The following MEIS2 variants were observed in gnomAD, a reference collection of about 807,000 sequenced individuals.
The protein encoded by MEIS2 is Meis homeobox 2, also known as homeobox protein Meis2.
In MEIS2, 9 loss-of-function variants were observed where a neutral mutation model predicts 58.6. That is an observed-to-expected ratio of 0.15 (90% CI 0.09 to 0.27). The LOEUF is 0.27. Ranked by LOEUF, MEIS2 falls within the 10% of genes least tolerant of loss-of-function variation. MEIS2 has a pLI of 1.00. For missense variants in MEIS2, 427 were observed against 635.0 expected (o/e 0.67, Z 3.52); for synonymous variants, 221 against 228.4 (o/e 0.97, Z 0.29).
intron 8 of MEIS2, among the ~76,000 whole-genome samples, chr15:37,026,628 C>A (rs551590239): frequency 6.6e-6 from 1 of 151,972 alleles, no homozygotes; most frequent in African/African-American, 2.4e-5. Flanking sequence ...GCAGATTTGG[C>A]GGGGGGAGAG....
At chr15:36,940,790 C>A (rs1393370103) in intron 9 of MEIS2, among the ~76,000 whole-genome samples, 1 of 152,126 alleles carries the variant, frequency 6.6e-6, no homozygotes, top group Non-Finnish European at 1.5e-5. Context: ...GGGGTGCTCA[C>A]CTCAGAAAAG....
At chr15:36,997,777 G>A (rs1367042781) in intron 8 of MEIS2, among the ~76,000 whole-genome samples, 6 of 152,262 alleles carry the variant, frequency 3.9e-5, no homozygotes, top group Admixed American at 1.3e-4. Context: ...CACCGTGCCC[G>A]GCCTTGATTT....
chr15:36,913,575 A>G (rs1320809917), intron 9 of MEIS2, among the ~76,000 whole-genome samples: 1 of 152,234 alleles, frequency 6.6e-6, no homozygotes, highest in Non-Finnish European at 1.5e-5. Context: ...GGGAAAGATT[A>G]TAGAACAGAG....
At position 37,037,036 on chromosome 15, in the gene MEIS2, A is replaced by G. The variant is rs1595981636; in HGVS notation, c.755-77T>C. The G allele has an allele frequency of 9.4e-6, 13 of 1,379,166 alleles. No individual in the cohort carries two copies. The East Asian group carries it at 3.1e-4, about 33-fold the overall frequency. The allele number at this position is 1,379,166 out of a possible 1,614,324, so 85.4% of individuals were successfully genotyped here. A position where few individuals can be genotyped will look rare whatever the true frequency, so the allele number is the denominator to read the frequency against. ...AACAAGTGCAGCTAATGATGAGCTCAGCTAAGCTTGTTGAAAGAAATCCAT... is the reference window on the plus strand; with the variant it reads ...AACAAGTGCAGCTAATGATGAGCTCGGCTAAGCTTGTTGAAAGAAATCCAT... On this transcript the variant is annotated intron_variant, in intron 7 of 11. Transcript: ENST00000561208.
intron 8 of MEIS2, among the ~76,000 whole-genome samples, chr15:37,009,238 G>A (rs1006229847): frequency 1.1e-4 from 16 of 152,160 alleles, no homozygotes; most frequent in African/African-American, 2.9e-4. Flanking sequence ...GCAGTGAGCC[G>A]AGATCGCGCC....
intron 8 of MEIS2, among the ~76,000 whole-genome samples, chr15:36,985,258 G>A (rs2060057284): frequency 6.6e-6 from 1 of 152,030 alleles, no homozygotes; most frequent in South Asian, 2.1e-4. Flanking sequence ...TTATTCAAAT[G>A]TCTTCTTCCA....
chr15:37,095,466 G>A (rs1894112541), intron 4 of MEIS2, 98 bp downstream of exon 4: 1 of 1,570,522 alleles, frequency 6.4e-7, no homozygotes, highest in East Asian at 2.2e-5. Context: ...CCAAAAGAGG[G>A]TTCTGTTCTA....
chr15:36,984,014 C>A (rs1442843050), intron 8 of MEIS2, among the ~76,000 whole-genome samples: 2 of 151,696 alleles, frequency 1.3e-5, no homozygotes, highest in Non-Finnish European at 2.9e-5. Flanking sequence ...AATTTGTTTA[C>A]TAGTTCTAAA....
At chr15:36,986,389 G>C (rs1374781431) in intron 8 of MEIS2, among the ~76,000 whole-genome samples, 5 of 152,194 alleles carry the variant, frequency 3.3e-5, no homozygotes, top group Non-Finnish European at 7.3e-5. Flanking sequence ...CAATTAGGGA[G>C]CACTAGAGGA....
intron 7 of MEIS2, among the ~76,000 whole-genome samples, chr15:37,056,591 G>T (rs559999655): frequency 5.3e-5 from 8 of 152,326 alleles, no homozygotes; most frequent in African/African-American, 1.9e-4. Context: ...TGTCCCGGAG[G>T]CAGGGAACAA....
chr15:37,098,968 G>A (rs1355461729), intron 1 of MEIS2: 1 of 985,194 alleles, frequency 1.0e-6, no homozygotes, highest in Non-Finnish European at 1.2e-6. Context: ...AAGCAGCCCA[G>A]GCTAGTAGTC....
intron 8 of MEIS2, among the ~76,000 whole-genome samples, chr15:37,005,891 T>C (rs1420537327): frequency 6.6e-6 from 1 of 152,176 alleles, no homozygotes; most frequent in East Asian, 1.9e-4. Flanking sequence ...CCAACACTAA[T>C]TTGATTCCTA....
intron 9 of MEIS2, among the ~76,000 whole-genome samples, chr15:36,938,481 C>T (rs960787730): frequency 2.6e-5 from 4 of 152,176 alleles, no homozygotes; most frequent in African/African-American, 7.2e-5. Context: ...TTTCTATTTT[C>T]GTCCCATGCT....
chr15:36,906,805 A>G (rs2056765536), intron 9 of MEIS2, among the ~76,000 whole-genome samples: 1 of 152,190 alleles, frequency 6.6e-6, no homozygotes, highest in Non-Finnish European at 1.5e-5. Flanking sequence ...GCTACCTCCA[A>G]AAAAATTACT....
chr15:36,933,676 C>A (rs1595754795), intron 9 of MEIS2, among the ~76,000 whole-genome samples: 1 of 152,062 alleles, frequency 6.6e-6, no homozygotes, highest in South Asian at 2.1e-4. Flanking sequence ...ACAGTGAAAT[C>A]GTACTACCTG....
intron 7 of MEIS2, among the ~76,000 whole-genome samples, chr15:37,042,335 CCTT>C (rs1349998364): frequency 2.6e-5 from 4 of 152,146 alleles, no homozygotes; most frequent in African/African-American, 9.7e-5. Context: ...CCTTCTTTCT[CCTT>C]GTCTTATCAG....
intron 7 of MEIS2, among the ~76,000 whole-genome samples, chr15:37,064,941 A>G (rs780372474): frequency 3.3e-5 from 5 of 152,200 alleles, no homozygotes; most frequent in Non-Finnish European, 7.4e-5. Flanking sequence ...ATAACTAGAT[A>G]TTTTCAAAAT....
chr15:36,964,193 C>CAA (rs1194516565), intron 8 of MEIS2, among the ~76,000 whole-genome samples: 1 of 152,124 alleles, frequency 6.6e-6, no homozygotes, highest in South Asian at 2.1e-4. Context: ...TAGATGTTTA[C>CAA]AAAAAAATGC....
chr15:36,931,933 T>C (rs2057996075), intron 9 of MEIS2, among the ~76,000 whole-genome samples: 1 of 152,130 alleles, frequency 6.6e-6, no homozygotes, highest in Non-Finnish European at 1.5e-5. Context: ...TAATCAGACA[T>C]TTCACAAAGA....
Sources: gnomAD v4.1 joint callset for allele counts (sites outside exome capture counted in the v4.1 genomes callset) on GRCh38, gnomAD v4.1.1 for gene constraint, MANE v1.5 for transcripts, NCBI Gene and HGNC (gene_info 2026-07-23, HGNC 2026-07-21) for gene names.